Variants in DENND2C observed in about 807,000 individuals in gnomAD.
DENND2C encodes the protein DENN domain-containing protein 2C.
A neutral mutation model predicts 112.4 loss-of-function variants in DENND2C; 72 were observed. The ratio of observed to expected loss-of-function variants is 0.64; its 90% CI spans 0.53 to 0.78. The LOEUF (loss-of-function observed/expected upper bound fraction) is 0.78. Among genes scored for constraint, DENND2C ranks in the 30% least tolerant of loss-of-function variants. DENND2C has a pLI of 0.00. For synonymous variants in DENND2C, 329 were observed against 381.6 expected, an observed-to-expected ratio of 0.86 and a Z score of 1.61; for missense variants, 992 against 1,113.8, an observed-to-expected ratio of 0.89 and a Z score of 1.56.
Position 114,618,414 on chromosome 1 carries a change from G to GT in DENND2C, c.1295dup (p.Tyr432Ter), listed in dbSNP as rs1160009950. The change falls in exon 8 of 21, where the codon TAC becomes TAAC. Residue 432 changes from tyrosine to a stop codon, truncating the protein, a stop_gained and frameshift_variant. Transcript: ENST00000393274. LOFTEE classifies it high-confidence loss of function. ...RGKKKVKLHS[Y>*]TGKELPPTKG... ...TTGTCGGAGGTAATTCCTTTCCAGTGTAAGAATGTAACTTTACCTTCTTCT... is the reference window on the plus strand; with the variant it reads ...TTGTCGGAGGTAATTCCTTTCCAGTGTTAAGAATGTAACTTTACCTTCTTCT... 6.3e-7 allele frequency: 1 copy of GT among 1,593,906 alleles called. No homozygotes were observed. Among genetic ancestry groups the GT allele is most frequent in the Non-Finnish European group, 8.5e-7 (1 of 1,172,034 alleles).
At chr1:114,627,795 T>C (rs1272577327) in intron 3 of DENND2C, among the ~76,000 whole-genome samples, 3 of 152,114 alleles carry the variant, frequency 2.0e-5, no homozygotes, top group East Asian at 1.9e-4. Context: ...AAGGAATTCC[T>C]AGGATTTTAG....
chr1:114,625,647 T>A lies in DENND2C; in HGVS notation c.338A>T (p.Glu113Val), dbSNP rs771050569. ...DDTHFFKNESESNWVCSRVKE... is the reference protein window; with the variant it reads ...DDTHFFKNESVSNWVCSRVKE... ...GACCCGAGAACATACCCAGTTGGAT[T>A]CTGATTCATTTTTAAAGAAGTGTGT... The change falls in exon 4 of 21, where the codon GAA (glutamate) becomes GTA (valine). Residue 113 changes from glutamate to valine, a missense_variant. Glu to Val is a moderately radical substitution (Grantham distance 121). Transcript: ENST00000393274. The A allele has an allele frequency of 1.9e-6, 3 of 1,614,034 alleles. No homozygotes were observed. Among genetic ancestry groups the A allele is most frequent in the East Asian group, 2.2e-5 (1 of 44,876 alleles).
intron 10 of DENND2C, among the ~76,000 whole-genome samples, chr1:114,605,539 C>T (rs1328895980): frequency 6.6e-6 from 1 of 152,224 alleles, no homozygotes. Context: ...GGCCTGTAAT[C>T]CCAGCACTTT....
intron 3 of DENND2C, among the ~76,000 whole-genome samples, chr1:114,641,550 T>G (rs992346198): frequency 6.6e-6 from 1 of 152,114 alleles, no homozygotes; most frequent in Non-Finnish European, 1.5e-5. Flanking sequence ...TGAAAGATCC[T>G]GGCACCTCCT....
intron 1 of DENND2C, among the ~76,000 whole-genome samples, chr1:114,661,811 A>G (rs189383567): frequency 6.6e-6 from 1 of 152,316 alleles, no homozygotes; most frequent in East Asian, 1.9e-4. Flanking sequence ...TGAAAGGCAA[A>G]TTGATCCAAT....
rs770245998 is a variant in DENND2C at position 114,598,810 on chromosome 1, T to C, written c.2283+464A>G. Among the ~76,000 whole-genome samples the C allele has an allele frequency of 1.4e-4, 22 of 152,178 alleles. 2 individuals are homozygous for C. In the Middle Eastern group the frequency reaches 0.01, roughly 71 times the overall value. On this transcript the variant is annotated intron_variant, in intron 16 of 20. Transcript: ENST00000393274. The stretch of plus-strand genomic sequence containing the variant: ...AATTCTCCTGCCTCAGCCTCCCAAG[T>C]AGCTGGGATTACAGGCATGTACCAC...
intron 18 of DENND2C, among the ~76,000 whole-genome samples, chr1:114,592,601 G>A (rs1000115171): frequency 3.9e-5 from 6 of 151,936 alleles, no homozygotes; most frequent in African/African-American, 9.7e-5. Context: ...ACGCCTGTAG[G>A]CCCAGCTACA....
chr1:114,615,252 T>C (rs1419719949), intron 8 of DENND2C, among the ~76,000 whole-genome samples: 1 of 152,238 alleles, frequency 6.6e-6, no homozygotes, highest in Non-Finnish European at 1.5e-5. Flanking sequence ...CGAGTTTTCA[T>C]TTTCTATGTC....
At chr1:114,655,863 CTT>C in intron 1 of DENND2C, among the ~76,000 whole-genome samples, 1 of 76,500 alleles carries the variant, frequency 1.3e-5, no homozygotes, top group Middle Eastern at 6.2e-3. Flanking sequence ...GCTCAAAGAA[CTT>C]TTATATATAT....
intron 18 of DENND2C, among the ~76,000 whole-genome samples, chr1:114,588,950 G>C (rs1487957329): frequency 1.3e-5 from 2 of 152,136 alleles, no homozygotes; most frequent in African/African-American, 2.4e-5. Context: ...TGATTTGAGT[G>C]CTAAAGGTAT....
chr1:114,646,435 A>C (rs138263235), intron 2 of DENND2C, among the ~76,000 whole-genome samples: 1 of 152,206 alleles, frequency 6.6e-6, no homozygotes, highest in African/African-American at 2.4e-5. Context: ...AGTGTGCGAT[A>C]TATTTTCATG....
chr1:114,659,153 ATCTC>A (rs1454992129), intron 1 of DENND2C, among the ~76,000 whole-genome samples: 3 of 152,158 alleles, frequency 2.0e-5, no homozygotes, highest in African/African-American at 7.2e-5. Context: ...AGAACTAACA[ATCTC>A]TCTATATTTT....
chr1:114,622,235 C>A (rs1656187130), intron 6 of DENND2C, among the ~76,000 whole-genome samples, 170 bp from the exon 7 acceptor site: 1 of 151,938 alleles, frequency 6.6e-6, no homozygotes, highest in African/African-American at 2.4e-5. Flanking sequence ...CACCTCAGCC[C>A]CTTGAGCAGC....
At chr1:114,602,595 C>T (rs1479625084) in intron 11 of DENND2C, among the ~76,000 whole-genome samples, 1 of 152,178 alleles carries the variant, frequency 6.6e-6, no homozygotes, top group African/African-American at 2.4e-5. Context: ...GACAGTCTCA[C>T]TCTGTTGCCC....
At chr1:114,646,981 G>A (rs552025785) in intron 2 of DENND2C, among the ~76,000 whole-genome samples, 47 of 151,738 alleles carry the variant, frequency 3.1e-4, no homozygotes, top group Non-Finnish European at 4.4e-4. Context: ...CCAACATGGC[G>A]AAACCCTGTC....
rs1364327766 is a variant in DENND2C, at chr1:114,645,522, C to T, written c.-279G>A. The T allele has an allele frequency of 1.3e-5, 2 of 152,212 alleles. No homozygotes were observed. The highest frequency in any genetic ancestry group is 2.9e-5 in the Non-Finnish European group (2 of 68,044). 9.4% of individuals were successfully genotyped at this position (152,212 alleles called of 1,614,324 possible). On this transcript the variant is annotated 5_prime_UTR_variant, in exon 3 of 21. The change creates a new upstream start codon in the 5' untranslated region. Transcript: ENST00000393274. ...ATATCAATCTCTGGCGTTTGAACCACTCAATCTGCGGTATTTGGTTATGGT... is the reference window on the plus strand; with the variant it reads ...ATATCAATCTCTGGCGTTTGAACCATTCAATCTGCGGTATTTGGTTATGGT...
At chr1:114,595,243 G>A (rs1298020432) in intron 17 of DENND2C, 1 of 152,640 alleles carries the variant, frequency 6.6e-6, no homozygotes, top group Non-Finnish European at 1.5e-5. Flanking sequence ...CACTTTGGGA[G>A]GCAGAGGCGG....
At chr1:114,650,129 C>G (rs549020408) in intron 2 of DENND2C, among the ~76,000 whole-genome samples, 1 of 151,270 alleles carries the variant, frequency 6.6e-6, no homozygotes, top group East Asian at 2.0e-4. Context: ...CAAGACCAGC[C>G]TGGCTAACGT....
Position 114,625,408 on chromosome 1 carries a change from T to C in DENND2C, c.577A>G (p.Asn193Asp). 6.2e-7 allele frequency: 1 copy of C among 1,614,182 alleles called. No individual in the cohort carries two copies. The highest frequency in any genetic ancestry group is 8.5e-7 in the Non-Finnish European group (1 of 1,180,008). ...TGCCCCTCAGGTTCAGAGTAAATATTTTCTAAGCTCTTGGTTATTCCGTAT... is the reference window on the plus strand; with the variant it reads ...TGCCCCTCAGGTTCAGAGTAAATATCTTCTAAGCTCTTGGTTATTCCGTAT... Reference protein sequence around the residue: ...SSYGITKSLENIYSEPEGQEC... With the variant: ...SSYGITKSLEDIYSEPEGQEC... Residue 193 changes from asparagine (N) to aspartate (D), a missense_variant, in exon 4 of 21, where the codon AAT becomes GAT. This residue lies in a region of DENND2C where 470 missense variants were observed against 472.7 expected (regional missense o/e 0.99). Coordinates refer to ENST00000393274, the MANE Select transcript of DENND2C (RefSeq NM_001256404.2).
Sources: allele counts gnomAD v4.1 joint callset (sites outside exome capture counted in the v4.1 genomes callset), GRCh38; gene constraint gnomAD v4.1.1; regional missense constraint gnomAD v4.1.1; transcripts MANE v1.5; gene names NCBI Gene and HGNC (gene_info 2026-07-23, HGNC 2026-07-21).